The following SPTBN1 variants were observed in gnomAD, a reference collection of about 807,000 sequenced individuals.
SPTBN1 encodes the protein spectrin beta, non-erythrocytic 1.
SPTBN1 carries 32 observed loss-of-function variants against 266.4 expected under a neutral mutation model. That is an observed-to-expected ratio of 0.12 (90% CI 0.09 to 0.16). The LOEUF (loss-of-function observed/expected upper bound fraction) is 0.16. SPTBN1 is among the 10% of genes least tolerant of loss of function. The pLI is 1.00. For synonymous variants in SPTBN1, 1,336 were observed against 1,162.2 expected (o/e 1.15, Z -3.04); for missense variants, 2,296 against 3,067.1 (o/e 0.75, Z 5.94).
At chr2:54,565,824 T>G (rs1453739713) in intron 2 of SPTBN1, among the ~76,000 whole-genome samples, 1 of 152,250 alleles carries the variant, frequency 6.6e-6, no homozygotes, top group East Asian at 1.9e-4. Context: ...GGATGGCTGT[T>G]GTTTCCATGA....
chr2:54,495,679 T>TTTTTTTTTTTTTTTTTTTTTTTTTCTC (rs1279259203), intron 1 of SPTBN1, among the ~76,000 whole-genome samples: 1 of 142,990 alleles, frequency 7.0e-6, no homozygotes, highest in Admixed American at 7.1e-5. Context: ...GCATGTGTTT[T>TTTTTTTTTTTTTTTTTTTTTTTTTCTC]TACCTTTATT....
intron 3 of SPTBN1, among the ~76,000 whole-genome samples, chr2:54,605,975 C>G (rs1182540242): frequency 2.0e-5 from 3 of 152,234 alleles, no homozygotes; most frequent in African/African-American, 7.2e-5. Context: ...TGTTTGGGCC[C>G]CATCACCACC....
At position 54,628,700 on chromosome 2, in the gene SPTBN1, A is replaced by T. The variant is rs1270023480; in HGVS notation, c.1799-233A>T. Among the ~76,000 whole-genome samples, 1 of 152,150 alleles carries T rather than the reference A, an allele frequency of 6.6e-6. No homozygotes were observed. Among genetic ancestry groups the T allele is most frequent in the African/African-American group, 2.4e-5 (1 of 41,434 alleles). Reference sequence around the variant, plus strand: ...TCAAGTGCTTTCTTGCAGGAGGATGATCACTTTGTCTGCGGTTTGGCCAAA... The same window carrying T: ...TCAAGTGCTTTCTTGCAGGAGGATGTTCACTTTGTCTGCGGTTTGGCCAAA... On this transcript the variant is annotated intron_variant, in intron 13 of 35. Coordinates refer to ENST00000356805, the MANE Select transcript of SPTBN1 (RefSeq NM_003128.3). This position sits in a 1 kb window ranked among gnomAD's most constrained non-coding sequence, Gnocchi z 4.3.
At chr2:54,484,104 T>G (rs1317980142) in intron 1 of SPTBN1, among the ~76,000 whole-genome samples, 1 of 152,150 alleles carries the variant, frequency 6.6e-6, no homozygotes, top group Non-Finnish European at 1.5e-5. Context: ...GAGGATTACT[T>G]GAGCTCAGGA....
At position 54,653,671 on chromosome 2, in the gene SPTBN1, C is replaced by A; in HGVS notation, c.5640C>A (p.Asp1880Glu). Residue 1880 changes from aspartate (D) to glutamate (E), a missense_variant, in exon 27 of 36, where the codon GAC becomes GAA. By Grantham distance (45) the Asp-to-Glu change is conservative (BLOSUM62 2). This residue lies in a region of SPTBN1 where 644 missense variants were observed against 745.3 expected (regional missense o/e 0.86). Coordinates refer to ENST00000356805, the MANE Select transcript of SPTBN1 (RefSeq NM_003128.3). The surrounding 1 kb of genome is among the most constrained non-coding windows in gnomAD (Gnocchi z 5.1). ...LQAAYAGDKA[D>E]DIQKRENEVL... The stretch of plus-strand genomic sequence containing the variant: ...CGGCCTATGCGGGTGACAAGGCCGA[C>A]GATATCCAGAAGCGCGAGAACGAGG... 1.9e-6 allele frequency: 3 copies of A among 1,614,116 alleles called. No individual in the cohort carries two copies. The highest frequency in any genetic ancestry group is 1.7e-6 in the Non-Finnish European group (2 of 1,180,018).
At chr2:54,539,184 C>G (rs1468711651) in intron 2 of SPTBN1, among the ~76,000 whole-genome samples, 2 of 152,196 alleles carry the variant, frequency 1.3e-5, no homozygotes, top group Non-Finnish European at 2.9e-5. Context: ...TTTGTTTCCA[C>G]ATTCCCTACA....
At position 54,666,016 on chromosome 2, in the gene SPTBN1, C is replaced by T. The variant is rs945485994; in HGVS notation, c.6761C>T (p.Pro2254Leu). The T allele has an allele frequency of 6.2e-7, 1 of 1,613,952 alleles. No individual in the cohort carries two copies. Among genetic ancestry groups the T allele is most frequent in the Non-Finnish European group, 8.5e-7 (1 of 1,180,030 alleles). ...GGAATTCCCTACCACAGCGAGGTCC[C>T]TGTGAGTTTGAAAGAAGCTGTCTGC... is the stretch of plus-strand genomic sequence containing the variant. ...ASGIPYHSEV[P>L]VSLKEAVCEV... The change falls in exon 34 of 36, where the codon CCT becomes CTT. Residue 2254 changes from proline to leucine, a missense_variant. By Grantham distance (98) the Pro-to-Leu change is moderately conservative (BLOSUM62 -3). Around this residue, in one of 12 missense-constraint regions of SPTBN1, gnomAD observed 347 missense variants for 368.5 expected, o/e 0.94. Coordinates refer to ENST00000356805, the MANE Select transcript of SPTBN1 (RefSeq NM_003128.3).
intron 18 of SPTBN1, among the ~76,000 whole-genome samples, chr2:54,639,181 A>G (rs1047997371): frequency 1.3e-5 from 2 of 152,258 alleles, no homozygotes; most frequent in Non-Finnish European, 2.9e-5. Context: ...TTCATGTGCC[A>G]AGACAGGGCA....
intron 2 of SPTBN1, among the ~76,000 whole-genome samples, chr2:54,572,148 CG>C (rs1558855089): frequency 6.6e-6 from 1 of 152,030 alleles, no homozygotes; most frequent in Admixed American, 6.6e-5. Context: ...AGGGAAGCCA[CG>C]GTACTAAGGT....
At chr2:54,525,300 A>G (rs569296839) in intron 1 of SPTBN1, among the ~76,000 whole-genome samples, 25 of 152,188 alleles carry the variant, frequency 1.6e-4, no homozygotes, top group African/African-American at 6.0e-4. Context: ...GTTAGAGTGC[A>G]ATGGTATGAT....
At chr2:54,635,592 C>T (rs780414101) in intron 17 of SPTBN1, among the ~76,000 whole-genome samples, 2 of 152,248 alleles carry the variant, frequency 1.3e-5, no homozygotes, top group African/African-American at 2.4e-5. Flanking sequence ...CTTAATGAAT[C>T]TTTCCAGTGT....
At position 54,664,925 on chromosome 2, in the gene SPTBN1, T is replaced by G; in HGVS notation, c.6659+234T>G. On this transcript the variant is annotated intron_variant, in intron 33 of 35. Coordinates refer to ENST00000356805, the MANE Select transcript of SPTBN1 (RefSeq NM_003128.3). This position sits in a 1 kb window ranked among gnomAD's most constrained non-coding sequence, Gnocchi z 5.6. ...TGGGAGTAGCTAGAAGGGGCTTTAG[T>G]AGTTCATCTAGAGAAGGAATTTGCT... The G allele has an allele frequency of 1.9e-6, 1 of 512,922 alleles. No individual in the cohort carries two copies. Among genetic ancestry groups the G allele is most frequent in the Non-Finnish European group, 3.5e-6 (1 of 285,928 alleles). 31.8% of individuals were successfully genotyped at this position (512,922 alleles called of 1,614,324 possible).
Position 54,485,999 on chromosome 2 carries a change from G to A in SPTBN1, c.-48+29481G>A, listed in dbSNP as rs554382465. ...TGAGGAGCCTCTCCGCCCGGCAGCC[G>A]CCCCGTCCCGGAGGTGAGGGGCGCC... On this transcript the variant is annotated intron_variant, in intron 1 of 35. Transcript: ENST00000356805. 2.8e-3 allele frequency among the ~76,000 whole-genome samples: 412 copies of A among 147,678 alleles called. 3 individuals are homozygous for A. Among genetic ancestry groups the A allele is most frequent in the African/African-American group, 9.9e-3 (393 of 39,694 alleles).
chr2:54,534,085 G>C (rs1455629338), intron 2 of SPTBN1, among the ~76,000 whole-genome samples: 1 of 152,196 alleles, frequency 6.6e-6, no homozygotes, highest in African/African-American at 2.4e-5. Flanking sequence ...CTAGGCTGCA[G>C]GTCTCTGAGA....
rs558399304 is a variant in SPTBN1 at position 54,487,758 on chromosome 2, T to G, written c.-48+31240T>G. 9.9e-5 allele frequency among the ~76,000 whole-genome samples: 15 copies of G among 152,120 alleles called. No homozygotes were observed. The East Asian group carries it at 2.9e-3, about 29-fold the overall frequency. Reference sequence around the variant, plus strand: ...TTATGAAATACTCAAAGTCAAAAGTTGGTCAGAATTTCACATTCTTAAATT... The same window carrying G: ...TTATGAAATACTCAAAGTCAAAAGTGGGTCAGAATTTCACATTCTTAAATT... On this transcript the variant is annotated intron_variant, in intron 1 of 35. Transcript: ENST00000356805.
intron 32 of SPTBN1, chr2:54,661,552 G>A (rs1316666125): frequency 1.0e-6 from 1 of 985,606 alleles, no homozygotes; most frequent in East Asian, 1.1e-4. Flanking sequence ...TAGATGCCAA[G>A]CTTCTTATGT....
At chr2:54,485,584 C>T (rs1341901910) in intron 1 of SPTBN1, among the ~76,000 whole-genome samples, 6 of 152,138 alleles carry the variant, frequency 3.9e-5, no homozygotes, top group East Asian at 3.9e-4. Context: ...CCCAAAGTGC[C>T]GAGATTGCAG....
intron 1 of SPTBN1, among the ~76,000 whole-genome samples, chr2:54,472,113 C>T (rs928966294): frequency 4.1e-5 from 6 of 146,198 alleles, no homozygotes; most frequent in Admixed American, 6.9e-5. Context: ...CTGCAAGCTC[C>T]GCCTCCTGGG....
intron 1 of SPTBN1, among the ~76,000 whole-genome samples, chr2:54,508,000 G>A (rs1241540333): frequency 1.3e-5 from 2 of 152,100 alleles, no homozygotes; most frequent in African/African-American, 4.8e-5. Flanking sequence ...AAGTATAAAA[G>A]TAAAGAATAG....
Sources: gnomAD v4.1 joint callset for allele counts (sites outside exome capture counted in the v4.1 genomes callset) on GRCh38, gnomAD v4.1.1 for gene constraint, gnomAD v4.1.1 regional missense constraint, Gnocchi (gnomAD v3.1) non-coding constraint, MANE v1.5 for transcripts, NCBI Gene and HGNC (gene_info 2026-07-23, HGNC 2026-07-21) for gene names.